The following CDK19 variants were observed in gnomAD, a reference collection of about 807,000 sequenced individuals.
CDK19 encodes cyclin-dependent kinase 19.
In CDK19, 20 loss-of-function variants were observed where a neutral mutation model predicts 68.3. The ratio of observed to expected loss-of-function variants is 0.29; its 90% CI spans 0.21 to 0.43. The LOEUF is 0.43. CDK19 is among the 20% of genes least tolerant of loss of function. The pLI, the probability that CDK19 is intolerant of heterozygous loss-of-function variation, is 1.00. For missense variants in CDK19, 339 were observed against 623.5 expected (o/e 0.54, Z 4.86); for synonymous variants, 221 against 222.8 (o/e 0.99, Z 0.07).
chr6:110,676,989 T>C (rs1039906267), intron 2 of CDK19, among the ~76,000 whole-genome samples: 5 of 152,204 alleles, frequency 3.3e-5, no homozygotes, highest in Non-Finnish European at 7.4e-5. Context: ...AGAGCGTCAA[T>C]ATGCACTTTC....
At chr6:110,666,093 C>T (rs991334779) in intron 4 of CDK19, among the ~76,000 whole-genome samples, 1 of 135,702 alleles carries the variant, frequency 7.4e-6, no homozygotes, top group Admixed American at 7.5e-5. Context: ...AAAGTGGACA[C>T]ATGGAAGCCT....
At position 110,757,443 on chromosome 6, in the gene CDK19, G is replaced by A. The variant is rs1034893960; in HGVS notation, c.129-11242C>T. Among the ~76,000 whole-genome samples the A allele has an allele frequency of 3.9e-5, 6 of 152,132 alleles. 1 individual carries two copies. The South Asian group carries it at 8.3e-4, about 21-fold the overall frequency. On this transcript the variant is annotated intron_variant, in intron 1 of 12. Coordinates refer to ENST00000368911, the MANE Select transcript of CDK19 (RefSeq NM_015076.5). The stretch of plus-strand genomic sequence containing the variant: ...CATATAACAATCAAATACTATGCAC[G>A]AAACACTTGACTAAATTGTGGTTCA...
At chr6:110,709,959 T>A (rs1025583832) in intron 2 of CDK19, among the ~76,000 whole-genome samples, 10 of 152,084 alleles carry the variant, frequency 6.6e-5, no homozygotes, top group Admixed American at 4.6e-4. Flanking sequence ...AATAAATAGG[T>A]TTGACTTTAG....
intron 2 of CDK19, among the ~76,000 whole-genome samples, chr6:110,679,315 C>T (rs569055884): frequency 3.5e-3 from 493 of 141,946 alleles, no homozygotes; most frequent in Non-Finnish European, 5.3e-3. Context: ...GACCCTGTCT[C>T]TAAAAAAAAA....
intron 2 of CDK19, among the ~76,000 whole-genome samples, chr6:110,719,379 G>A (rs1775649061): frequency 6.6e-6 from 1 of 152,110 alleles, no homozygotes; most frequent in Admixed American, 6.6e-5. Flanking sequence ...GGTAGAGACA[G>A]GGTCCCACTA....
intron 4 of CDK19, among the ~76,000 whole-genome samples, chr6:110,641,712 G>A (rs1158291835): frequency 6.7e-6 from 1 of 150,184 alleles, no homozygotes; most frequent in African/African-American, 2.5e-5. Context: ...GGCAGATTAT[G>A]AAAACTATCA....
chr6:110,703,362 A>G (rs1310162538), intron 2 of CDK19, among the ~76,000 whole-genome samples: 2 of 152,118 alleles, frequency 1.3e-5, no homozygotes, highest in Non-Finnish European at 2.9e-5. Context: ...GTTATAATTA[A>G]TATTTCAAAA....
At chr6:110,795,901 T>G (rs903144421) in intron 1 of CDK19, among the ~76,000 whole-genome samples, 2 of 152,210 alleles carry the variant, frequency 1.3e-5, no homozygotes, top group Non-Finnish European at 2.9e-5. Context: ...GATCTTAAAC[T>G]CATTCACAGA....
At chr6:110,767,762 C>T (rs538697462) in intron 1 of CDK19, among the ~76,000 whole-genome samples, 3 of 152,160 alleles carry the variant, frequency 2.0e-5, no homozygotes, top group Non-Finnish European at 4.4e-5. Context: ...TATACATGTA[C>T]TGGAGTATCA....
chr6:110,751,350 T>C (rs1181750974), intron 1 of CDK19, among the ~76,000 whole-genome samples: 2 of 152,070 alleles, frequency 1.3e-5, no homozygotes, highest in Non-Finnish European at 2.9e-5. Context: ...TAGATTCTCA[T>C]AGAAGTGCAA....
At chr6:110,716,025 C>T (rs572318717) in intron 2 of CDK19, among the ~76,000 whole-genome samples, 42 of 148,616 alleles carry the variant, frequency 2.8e-4, no homozygotes, top group Admixed American at 1.5e-3. Context: ...TGTAACAATG[C>T]TAATTATGTT....
At chr6:110,748,959 A>G (rs896686662) in intron 1 of CDK19, among the ~76,000 whole-genome samples, 4 of 152,266 alleles carry the variant, frequency 2.6e-5, no homozygotes, top group African/African-American at 4.8e-5. Context: ...TTTTAGAGGC[A>G]GCTTAGTTCC....
chr6:110,624,951 T>C (rs937937347), intron 8 of CDK19, among the ~76,000 whole-genome samples: 1 of 152,202 alleles, frequency 6.6e-6, no homozygotes, highest in African/African-American at 2.4e-5. Flanking sequence ...ATTATGCCTA[T>C]CCTATAGATT....
intron 1 of CDK19, among the ~76,000 whole-genome samples, chr6:110,755,355 T>C (rs1437519317): frequency 6.6e-6 from 1 of 152,064 alleles, no homozygotes; most frequent in African/African-American, 2.4e-5. Flanking sequence ...TGAGTCTTTA[T>C]ACAGAGAGAC....
intron 1 of CDK19, among the ~76,000 whole-genome samples, chr6:110,758,089 T>C (rs903600047): frequency 1.3e-5 from 2 of 152,080 alleles, no homozygotes; most frequent in Non-Finnish European, 2.9e-5. Flanking sequence ...CTACTCAGGA[T>C]GTTGAGGTTG....
intron 1 of CDK19, among the ~76,000 whole-genome samples, chr6:110,746,437 AAACAG>A (rs1778084974): frequency 6.6e-6 from 1 of 152,230 alleles, no homozygotes; most frequent in African/African-American, 2.4e-5. Context: ...TTCAAAATTG[AAACAG>A]AACAGGATAC....
chr6:110,640,731 GTTT>G, intron 4 of CDK19, among the ~76,000 whole-genome samples: 1 of 152,200 alleles, frequency 6.6e-6, no homozygotes. Flanking sequence ...CAGGAGGATC[GTTT>G]AAGCCCAGGA....
At chr6:110,700,233 C>T (rs1028227839) in intron 2 of CDK19, among the ~76,000 whole-genome samples, 6 of 152,166 alleles carry the variant, frequency 3.9e-5, no homozygotes, top group African/African-American at 1.2e-4. Flanking sequence ...CCACTGATTA[C>T]ACACTATGGT....
intron 2 of CDK19, among the ~76,000 whole-genome samples, chr6:110,742,274 T>C (rs1777734299): frequency 6.6e-6 from 1 of 152,348 alleles, no homozygotes. Flanking sequence ...TTCATGGACA[T>C]TTATCAGTTC....
Sources: allele counts gnomAD v4.1 joint callset (sites outside exome capture counted in the v4.1 genomes callset), GRCh38; gene constraint gnomAD v4.1.1; transcripts MANE v1.5; gene names NCBI Gene and HGNC (gene_info 2026-07-23, HGNC 2026-07-21).